Variants in SZT2 observed in about 807,000 individuals in gnomAD.
The protein encoded by SZT2 is KICSTOR complex protein SZT2.
In SZT2, 216 loss-of-function variants were observed where a neutral mutation model predicts 404.2. The ratio of observed to expected loss-of-function variants is 0.53; its 90% CI spans 0.48 to 0.60. The LOEUF is 0.60. Ranked by LOEUF, SZT2 falls within the 20% of genes least tolerant of loss-of-function variation. The pLI, the probability that SZT2 is intolerant of heterozygous loss-of-function variation, is 0.00. For synonymous variants in SZT2, 1,693 were observed against 1,749.9 expected (o/e 0.97, Z 0.81); for missense variants, 3,857 against 4,459.2 (o/e 0.86, Z 3.85).
At position 43,425,240 on chromosome 1, in the gene SZT2, C is replaced by T. The variant is rs761740474; in HGVS notation, c.2645+33C>T. 1.2e-6 allele frequency: 2 copies of T among 1,610,966 alleles called. No individual in the cohort carries two copies. Among genetic ancestry groups the T allele is most frequent in the Non-Finnish European group, 1.7e-6 (2 of 1,177,248 alleles). On this transcript the variant is annotated intron_variant, in intron 18 of 71. Transcript: ENST00000634258. The surrounding 1 kb of genome is among the most constrained non-coding windows in gnomAD (Gnocchi z 4.3). ...AGGCCATCTGTGAGGGCCGCCTCTG[C>T]AGAGTCAGCCTTCTCCCCACCATCC...
In SZT2 at chr1:43,438,000, G is replaced by A. The variant is rs548444048; in HGVS notation, c.6508+98G>A. 5 of 1,260,572 alleles carry A rather than the reference G, an allele frequency of 4.0e-6. No homozygotes were observed. The highest frequency in any genetic ancestry group is 3.7e-5 in the South Asian group (3 of 80,708). 78.1% of individuals were successfully genotyped at this position (1,260,572 alleles called of 1,614,324 possible). A position where few individuals can be genotyped will look rare whatever the true frequency, so the allele number is the denominator to read the frequency against. On this transcript the variant is annotated intron_variant, in intron 46 of 71. Transcript: ENST00000634258. The surrounding 1 kb of genome is among the most constrained non-coding windows in gnomAD (Gnocchi z 5.3). Reference sequence around the variant, plus strand: ...TTGCAAGCATTACACTAGAAGTTATGTAACAGTCTCAGCCCAAGACCTGAC... The same window carrying A: ...TTGCAAGCATTACACTAGAAGTTATATAACAGTCTCAGCCCAAGACCTGAC...
chr1:43,418,077 G>A (rs55935510), intron 7 of SZT2, among the ~76,000 whole-genome samples: 47,272 of 152,018 alleles, frequency 0.31, 8,565 homozygotes, highest in Middle Eastern at 0.44. Context: ...AGGAGGTCAC[G>A]GGGATCTTTT....
rs1201361455 is a variant in SZT2 at position 43,426,644 on chromosome 1, C to G, written c.3215-71C>G. The G allele has an allele frequency of 1.3e-6, 2 of 1,519,068 alleles. No individual in the cohort carries two copies. Among genetic ancestry groups the G allele is most frequent in the African/African-American group, 1.4e-5 (1 of 72,536 alleles). The allele number at this position is 1,519,068 out of a possible 1,614,324, so 94.1% of individuals were successfully genotyped here. A position where few individuals can be genotyped will look rare whatever the true frequency, so the allele number is the denominator to read the frequency against. On this transcript the variant is annotated intron_variant, in intron 22 of 71. Coordinates refer to ENST00000634258, the MANE Select transcript of SZT2 (RefSeq NM_001365999.1). The surrounding 1 kb of genome is among the most constrained non-coding windows in gnomAD (Gnocchi z 4.9). ...AGTTTTGGCTTTCCCCTTCCTCCCC[C>G]TTTCTTCAACCCAGAGTCCCGCCTC...
chr1:43,395,869 C>T (rs1648934178), intron 1 of SZT2, among the ~76,000 whole-genome samples: 1 of 152,186 alleles, frequency 6.6e-6, no homozygotes, highest in Admixed American at 6.5e-5. Flanking sequence ...TCGATGAGGA[C>T]ATGATGGCAC....
intron 11 of SZT2, among the ~76,000 whole-genome samples, chr1:43,421,537 C>T (rs1023229451): frequency 3.9e-5 from 6 of 152,224 alleles, no homozygotes; most frequent in African/African-American, 1.4e-4. Context: ...CAAAGACTCA[C>T]ACAGTGTCTA....
Position 43,452,510 on chromosome 1 carries a change from G to C in SZT2, c.*2030G>C. The C allele has an allele frequency of 2.9e-6, 2 of 682,014 alleles. No individual in the cohort carries two copies. Among genetic ancestry groups the C allele is most frequent in the South Asian group, 3.1e-5 (2 of 64,056 alleles). The allele number at this position is 682,014 out of a possible 1,614,324, so 42.2% of individuals were successfully genotyped here. On this transcript the variant is annotated 3_prime_UTR_variant, in exon 72 of 72. Coordinates refer to ENST00000634258, the MANE Select transcript of SZT2 (RefSeq NM_001365999.1). ...TGGCTGAGGGGCAAGCCCTTTCCCAGACATCTCAGTGTCCACCCACCGCCT... is the reference window on the plus strand; with the variant it reads ...TGGCTGAGGGGCAAGCCCTTTCCCACACATCTCAGTGTCCACCCACCGCCT...
intron 13 of SZT2, 31 bp downstream of exon 13, chr1:43,422,663 CCCCCCCACCCCCCCG>C: frequency 1.3e-6 from 1 of 764,752 alleles, no homozygotes; most frequent in Non-Finnish European, 1.8e-6. Flanking sequence ...TCACCCCCCG[CCCCCCCACCCCCCCG>C]CCACCTCATC....
chr1:43,453,557 C>G lies in SZT2; in HGVS notation c.*3077C>G. The G allele has an allele frequency of 6.6e-7, 1 of 1,512,300 alleles. No individual in the cohort carries two copies. Among genetic ancestry groups the G allele is most frequent in the Non-Finnish European group, 8.9e-7 (1 of 1,124,850 alleles). 93.7% of individuals were successfully genotyped at this position (1,512,300 alleles called of 1,614,324 possible). ...ACACTCCCCTGCCCGCGCCCCGGCA[C>G]CCCCCAGCCCTCCCAGCCCTCCCGG... On this transcript the variant is annotated 3_prime_UTR_variant, in exon 72 of 72. Transcript: ENST00000634258.
rs760472778 is a variant in SZT2 at position 43,428,015 on chromosome 1, C to T, written c.3816C>T (p.Leu1272=). The T allele has an allele frequency of 1.2e-5, 20 of 1,613,972 alleles. No individual in the cohort carries two copies. The South Asian group carries it at 1.9e-4, about 15-fold the overall frequency. The part of the protein sequence containing the change: ...PRDLIFRTQF[L]DHPSPSSAWM... ...CTTCGTTTCCTAGGACTCAGTTCCTCGACCACCCCTCCCCATCCTCAGCCT... is the reference window on the plus strand; with the variant it reads ...CTTCGTTTCCTAGGACTCAGTTCCTTGACCACCCCTCCCCATCCTCAGCCT... The change falls in exon 27 of 72, where the codon CTC becomes CTT. Residue 1272 remains leucine (L), a synonymous_variant. Coordinates refer to ENST00000634258, the MANE Select transcript of SZT2 (RefSeq NM_001365999.1).
In SZT2 at chr1:43,453,134, TCTC is replaced by T. The variant is rs1288853074; in HGVS notation, c.*2657_*2659del. 2 of 698,280 alleles carry T rather than the reference TCTC, an allele frequency of 2.9e-6. No individual in the cohort carries two copies. The highest frequency in any genetic ancestry group is 5.1e-6 in the Non-Finnish European group (2 of 388,426). The allele number at this position is 698,280 out of a possible 1,614,324, so 43.3% of individuals were successfully genotyped here. A position where few individuals can be genotyped will look rare whatever the true frequency, so the allele number is the denominator to read the frequency against. On this transcript the variant is annotated 3_prime_UTR_variant, in exon 72 of 72. Coordinates refer to ENST00000634258, the MANE Select transcript of SZT2 (RefSeq NM_001365999.1). ...CAAATGCATCACTGTATATATTTAC[TCTC>T]CTATCTGCCTAGGCAGACTGAGCTC...
chr1:43,422,661 C>G (rs1264378871), intron 13 of SZT2, 29 bp downstream of exon 13: 3 of 879,370 alleles, frequency 3.4e-6, no homozygotes, highest in Non-Finnish European at 3.1e-6. Context: ...CTTCACCCCC[C>G]GCCCCCCCAC....
Position 43,451,269 on chromosome 1 carries a change from T to C in SZT2, c.*789T>C, listed in dbSNP as rs1052485033. 1 of 1,614,052 alleles carries C rather than the reference T, an allele frequency of 6.2e-7. No individual in the cohort carries two copies. The highest frequency in any genetic ancestry group is 8.5e-7 in the Non-Finnish European group (1 of 1,180,014). The stretch of plus-strand genomic sequence containing the variant: ...GCCAGCCTCTGGGTGGCCCCGCCTA[T>C]CCCAGTATGAACGTAGCCAACTCAA... On this transcript the variant is annotated 3_prime_UTR_variant, in exon 72 of 72. Coordinates refer to ENST00000634258, the MANE Select transcript of SZT2 (RefSeq NM_001365999.1).
chr1:43,428,481 A>G lies in SZT2; in HGVS notation c.4161A>G (p.Glu1387=), dbSNP rs148824385. 12 of 1,613,396 alleles carry G rather than the reference A, an allele frequency of 7.4e-6. No individual in the cohort carries two copies. Among genetic ancestry groups the G allele is most frequent in the African/African-American group, 4.0e-5 (3 of 74,898 alleles). ...EPRERAILAS[E]SSIETEDLSE... is the part of the protein sequence containing the mutation. ...GGGAACGAGCTATCCTAGCTTCTGA[A>G]TCCAGGTTAGGATTATACTTGAATG... The change falls in exon 28 of 72, where the codon GAA becomes GAG. Residue 1387 remains glutamate, a synonymous_variant. Coordinates refer to ENST00000634258, the MANE Select transcript of SZT2 (RefSeq NM_001365999.1).
rs1386184125 is a variant in SZT2 at position 43,426,404 on chromosome 1, C to T, written c.3080C>T (p.Pro1027Leu). Residue 1027 changes from proline to leucine, a missense_variant, in exon 22 of 72, where the codon CCT (proline) becomes CTT (leucine). By Grantham distance (98) the Pro-to-Leu change is moderately conservative. Around this residue, in one of 7 missense-constraint regions of SZT2, gnomAD observed 1,725 missense variants for 1,881.0 expected, o/e 0.92. Coordinates refer to ENST00000634258, the MANE Select transcript of SZT2 (RefSeq NM_001365999.1). The surrounding 1 kb of genome is among the most constrained non-coding windows in gnomAD (Gnocchi z 4.9). ...GTCCCTTTCGCCGAGGGGTCCTGTC[C>T]TGCCAACGACATGGTGCTGTGCCTG... ...EGVPFAEGSC[P>L]ANDMVLCLLH... 3 of 1,586,764 alleles carry T rather than the reference C, an allele frequency of 1.9e-6. No homozygotes were observed. The highest frequency in any genetic ancestry group is 2.6e-6 in the Non-Finnish European group (3 of 1,173,832).
rs1385815687 is a variant in SZT2, at chr1:43,446,991, C to T, written c.9109C>T (p.Arg3037Trp). 17 of 1,613,342 alleles carry T rather than the reference C, an allele frequency of 1.1e-5. No individual in the cohort carries two copies. Among genetic ancestry groups the T allele is most frequent in the East Asian group, 2.2e-5 (1 of 44,892 alleles). The change falls in exon 66 of 72, where the codon CGG becomes TGG. Residue 3037 changes from arginine to tryptophan, a missense_variant. Around this residue, in one of 7 missense-constraint regions of SZT2, gnomAD observed 717 missense variants for 868.2 expected, o/e 0.83. Transcript: ENST00000634258. The stretch of plus-strand genomic sequence containing the variant: ...GTTCACAGAGGAGTGTGACAAGGTG[C>T]GGGACCTGATGCACGTGCACTCGTT... Reference protein sequence around the residue: ...MLFTEECDKVRDLMHVHSFSY... With the variant: ...MLFTEECDKVWDLMHVHSFSY...
At chr1:43,422,978 A>G in intron 14 of SZT2, 95 bp downstream of exon 14, 1 of 1,489,020 alleles carries the variant, frequency 6.7e-7, no homozygotes, top group African/African-American at 1.4e-5. Flanking sequence ...TAATAGAGGG[A>G]GGAGCCCCCA....
intron 70 of SZT2, chr1:43,449,701 C>T (rs369608849): frequency 2.7e-5 from 8 of 295,590 alleles, no homozygotes; most frequent in Middle Eastern, 1.2e-3. Context: ...CAAATCATCC[C>T]GGGATGGATC....
At position 43,434,530 on chromosome 1, in the gene SZT2, G is replaced by A. The variant is rs1654265218; in HGVS notation, c.5904+45G>A. 4 of 1,482,914 alleles carry A rather than the reference G, an allele frequency of 2.7e-6. No homozygotes were observed. The Admixed American group carries it at 8.8e-5, about 32-fold the overall frequency. 91.9% of individuals were successfully genotyped at this position (1,482,914 alleles called of 1,614,324 possible). A position where few individuals can be genotyped will look rare whatever the true frequency, so the allele number is the denominator to read the frequency against. On this transcript the variant is annotated intron_variant, in intron 41 of 71. Transcript: ENST00000634258. Reference sequence around the variant, plus strand: ...AGACCCGGACACACAGAGCAGATGAGAACCAAATTTCTAAGAACTTGATTT... The same window carrying A: ...AGACCCGGACACACAGAGCAGATGAAAACCAAATTTCTAAGAACTTGATTT...
chr1:43,421,087 T>C, intron 10 of SZT2, 87 bp from the exon 11 acceptor site: 2 of 1,595,790 alleles, frequency 1.3e-6, no homozygotes, highest in Non-Finnish European at 8.5e-7. Flanking sequence ...ACCAGGCTTA[T>C]ATCCAGGGTC....
Sources: allele counts gnomAD v4.1 joint callset (sites outside exome capture counted in the v4.1 genomes callset), GRCh38; gene constraint gnomAD v4.1.1; regional missense constraint gnomAD v4.1.1; non-coding constraint Gnocchi (gnomAD v3.1); transcripts MANE v1.5; gene names NCBI Gene and HGNC (gene_info 2026-07-23, HGNC 2026-07-21).